Variants in PDE7A observed in about 807,000 individuals in gnomAD.
PDE7A encodes the protein high affinity 3',5'-cyclic-AMP phosphodiesterase 7A.
A neutral mutation model predicts 64.3 loss-of-function variants in PDE7A; 39 were observed. The observed-to-expected ratio is 0.61, with a 90% CI of 0.47 to 0.79. The LOEUF is 0.79. PDE7A is among the 30% of genes least tolerant of loss of function. PDE7A has a pLI of 0.00. For missense variants in PDE7A, 470 were observed against 582.8 expected (o/e 0.81, Z 1.99); for synonymous variants, 203 against 206.8 (o/e 0.98, Z 0.16).
intron 3 of PDE7A, among the ~76,000 whole-genome samples, chr8:65,759,673 C>A (rs942128797): frequency 1.1e-4 from 16 of 152,158 alleles, no homozygotes; most frequent in Admixed American, 3.9e-4. Context: ...GAGGTTCTTA[C>A]TCTGTCATTT....
At chr8:65,813,231 A>G (rs999869380) in intron 1 of PDE7A, among the ~76,000 whole-genome samples, 1 of 152,236 alleles carries the variant, frequency 6.6e-6, no homozygotes, top group African/African-American at 2.4e-5. Flanking sequence ...TACCACTTCT[A>G]GAAATGAATG....
intron 3 of PDE7A, among the ~76,000 whole-genome samples, chr8:65,776,264 T>C (rs1227090490): frequency 6.6e-6 from 1 of 152,216 alleles, no homozygotes; most frequent in Non-Finnish European, 1.5e-5. Context: ...AAATCAAATA[T>C]CCATATATGT....
At chr8:65,840,071 A>G (rs1302177519) in intron 1 of PDE7A, among the ~76,000 whole-genome samples, 1 of 152,226 alleles carries the variant, frequency 6.6e-6, no homozygotes, top group Non-Finnish European at 1.5e-5. Flanking sequence ...GTGCATTAAG[A>G]TTTCCTCAAC....
In PDE7A at chr8:65,715,502, C is replaced by T. The variant is rs1027531684; in HGVS notation, c.*3788G>A. 1.3e-5 allele frequency among the ~76,000 whole-genome samples: 2 copies of T among 151,570 alleles called. No individual in the cohort carries two copies. The highest frequency in any genetic ancestry group is 4.0e-4 in the East Asian group (2 of 5,054). Reference sequence around the variant, plus strand: ...AAGCAATTCTTCCGCCTCAGCCTCCCGAGTAGCTGGGATTACAGGAATGCG... The same window carrying T: ...AAGCAATTCTTCCGCCTCAGCCTCCTGAGTAGCTGGGATTACAGGAATGCG... On this transcript the variant is annotated 3_prime_UTR_variant, in exon 13 of 13. Transcript: ENST00000401827.
At chr8:65,774,238 T>C (rs1585907094) in intron 3 of PDE7A, among the ~76,000 whole-genome samples, 1 of 152,232 alleles carries the variant, frequency 6.6e-6, no homozygotes, top group African/African-American at 2.4e-5. Flanking sequence ...CGCTGAAGTA[T>C]TACTCTTTCG....
intron 3 of PDE7A, among the ~76,000 whole-genome samples, chr8:65,764,921 G>A (rs575088225): frequency 5.4e-4 from 82 of 152,264 alleles, no homozygotes; most frequent in African/African-American, 1.9e-3. Context: ...CCTGAACTTG[G>A]TTAACAGTTA....
intron 7 of PDE7A, among the ~76,000 whole-genome samples, chr8:65,731,359 G>A (rs1160123579): frequency 6.6e-6 from 1 of 152,238 alleles, no homozygotes; most frequent in African/African-American, 2.4e-5. Flanking sequence ...CCAGGGACAA[G>A]TAGAGCAAGG....
intron 9 of PDE7A, chr8:65,725,537 A>AATAC (rs1305297756): frequency 6.5e-6 from 1 of 154,050 alleles, no homozygotes; most frequent in Non-Finnish European, 1.5e-5. Flanking sequence ...ATAAACAGCA[A>AATAC]ATACATACAT....
chr8:65,724,232 T>A (rs760538066), intron 11 of PDE7A, 23 bp downstream of exon 11: 1 of 1,448,560 alleles, frequency 6.9e-7, no homozygotes, highest in African/African-American at 1.4e-5. Flanking sequence ...ATAGATTAAT[T>A]ATCACTCAAT....
intron 1 of PDE7A, among the ~76,000 whole-genome samples, chr8:65,840,854 C>G (rs1197172362): frequency 6.6e-6 from 1 of 152,242 alleles, no homozygotes; most frequent in Non-Finnish European, 1.5e-5. Flanking sequence ...ACGAAGGAGT[C>G]GGGGAGACTA....
intron 10 of PDE7A, 72 bp downstream of exon 10, chr8:65,724,705 G>A (rs534341812): frequency 7.6e-7 from 1 of 1,315,132 alleles, no homozygotes; most frequent in Admixed American, 2.1e-5. Flanking sequence ...AACTACACTA[G>A]AATATTCATT....
At chr8:65,774,881 T>G (rs1393163994) in intron 3 of PDE7A, among the ~76,000 whole-genome samples, 1 of 152,178 alleles carries the variant, frequency 6.6e-6, no homozygotes, top group African/African-American at 2.4e-5. Context: ...CATGCAGCCT[T>G]GGAAAACTCC....
Position 65,798,204 on chromosome 8 carries a change from ATAT to A in PDE7A, c.139-15364_139-15362del, listed in dbSNP as rs1197116843. ...CATATATATATATATATATATATATATATTTTTTTTTTTTTGAGATGGAGTCTC... is the reference window on the plus strand; with the variant it reads ...CATATATATATATATATATATATATATTTTTTTTTTTTGAGATGGAGTCTC... On this transcript the variant is annotated intron_variant, in intron 1 of 12. Coordinates refer to ENST00000401827, the MANE Select transcript of PDE7A (RefSeq NM_001242318.3). 5.4e-3 allele frequency among the ~76,000 whole-genome samples: 205 copies of A among 38,192 alleles called. 1 individual carries two copies. The highest frequency in any genetic ancestry group is 0.024 in the Middle Eastern group (2 of 82). The allele number at this position is 38,192 out of a possible 152,430, so 25.1% of individuals were successfully genotyped here. A position where few individuals can be genotyped will look rare whatever the true frequency, so the allele number is the denominator to read the frequency against.
At chr8:65,786,417 C>A (rs746756359) in intron 1 of PDE7A, among the ~76,000 whole-genome samples, 3 of 152,100 alleles carry the variant, frequency 2.0e-5, no homozygotes, top group Non-Finnish European at 4.4e-5. Flanking sequence ...ATATTAAGTT[C>A]TCTCACTAGG....
chr8:65,776,364 A>G lies in PDE7A; in HGVS notation c.283+3356T>C, dbSNP rs182378956. On this transcript the variant is annotated intron_variant, in intron 3 of 12. Coordinates refer to ENST00000401827, the MANE Select transcript of PDE7A (RefSeq NM_001242318.3). ...CTTGACTTAATTATTATTGTTTATA[A>G]TAAGTTTGATATCTATGAGATGTAA... is the stretch of plus-strand genomic sequence containing the variant. Among the ~76,000 whole-genome samples the G allele has an allele frequency of 3.7e-4, 57 of 152,284 alleles. 1 individual carries two copies. The East Asian group carries it at 0.011, about 28-fold the overall frequency.
chr8:65,838,996 T>C (rs1203097077), intron 1 of PDE7A, among the ~76,000 whole-genome samples: 1 of 152,222 alleles, frequency 6.6e-6, no homozygotes, highest in African/African-American at 2.4e-5. Context: ...GATAAATGAA[T>C]TTGTGCTGTA....
intron 1 of PDE7A, among the ~76,000 whole-genome samples, chr8:65,787,732 C>T (rs1259609880): frequency 6.6e-6 from 1 of 151,558 alleles, no homozygotes; most frequent in East Asian, 1.9e-4. Context: ...TGCTTGAGCC[C>T]AGGAGTTTGA....
chr8:65,840,149 A>C (rs568466261), intron 1 of PDE7A, among the ~76,000 whole-genome samples: 1 of 152,342 alleles, frequency 6.6e-6, no homozygotes, highest in South Asian at 2.1e-4. Context: ...TAACCTTCAA[A>C]ATAAATAACC....
chr8:65,779,819 A>C lies in PDE7A; in HGVS notation c.200-16T>G. 6.6e-7 allele frequency: 1 copy of C among 1,509,832 alleles called. No individual in the cohort carries two copies. Among genetic ancestry groups the C allele is most frequent in the Non-Finnish European group, 9.1e-7 (1 of 1,097,362 alleles). 93.5% of individuals were successfully genotyped at this position (1,509,832 alleles called of 1,614,324 possible). A position where few individuals can be genotyped will look rare whatever the true frequency, so the allele number is the denominator to read the frequency against. ...CGTACATCTCCTGGACAGAATCAAG[A>C]ATAAAACATAAGTTTAGAAGGTTGT... On this transcript the variant is annotated splice_polypyrimidine_tract_variant and intron_variant, in intron 2 of 12. Transcript: ENST00000401827.
Sources: gnomAD v4.1 joint callset for allele counts (sites outside exome capture counted in the v4.1 genomes callset) on GRCh38, gnomAD v4.1.1 for gene constraint, MANE v1.5 for transcripts, NCBI Gene and HGNC (gene_info 2026-07-23, HGNC 2026-07-21) for gene names.